Variants in RFC1 observed in about 807,000 individuals in gnomAD.
RFC1 encodes the protein replication factor C subunit 1, also known as A1 140 kDa subunit.
A neutral mutation model predicts 137.4 loss-of-function variants in RFC1; 37 were observed. That is an observed-to-expected ratio of 0.27 (90% CI 0.21 to 0.35). RFC1 has a LOEUF of 0.35. Ranked by LOEUF, RFC1 falls within the 10% of genes least tolerant of loss-of-function variation. The pLI is 1.00. For missense variants in RFC1, 1,205 were observed against 1,358.5 expected (o/e 0.89, Z 1.78); for synonymous variants, 429 against 455.7 (o/e 0.94, Z 0.75).
chr4:39,331,455 T>C (rs2109700217), intron 4 of RFC1, among the ~76,000 whole-genome samples: 1 of 152,100 alleles, frequency 6.6e-6, no homozygotes, highest in Non-Finnish European at 1.5e-5. Flanking sequence ...GAGAGCAGAT[T>C]GTAACAGGGC....
intron 22 of RFC1, among the ~76,000 whole-genome samples, chr4:39,294,541 T>A (rs1319381589): frequency 6.6e-6 from 1 of 151,964 alleles, no homozygotes; most frequent in South Asian, 2.1e-4. Context: ...TGTGGTGGCA[T>A]GCACCTTAGT....
chr4:39,345,311 G>T, intron 3 of RFC1, 90 bp downstream of exon 3: 2 of 1,103,642 alleles, frequency 1.8e-6, no homozygotes, highest in South Asian at 1.4e-5. Flanking sequence ...ATGAGCCACC[G>T]CACCCATCCT....
chr4:39,308,602 A>AACT, intron 13 of RFC1, 34 bp downstream of exon 13: 1 of 1,588,204 alleles, frequency 6.3e-7, no homozygotes, highest in Non-Finnish European at 8.6e-7. Context: ...GTTGATATAC[A>AACT]CACACACAAA....
rs6819338 is a variant in RFC1, at chr4:39,304,705, A to G, written c.2110+109T>C. 1.2e-5 allele frequency: 9 copies of G among 740,720 alleles called. No homozygotes were observed. In the East Asian group the frequency reaches 2.2e-4, roughly 18 times the overall value. The allele number at this position is 740,720 out of a possible 1,614,324, so 45.9% of individuals were successfully genotyped here. On this transcript the variant is annotated intron_variant, in intron 15 of 24. Coordinates refer to ENST00000349703, the MANE Select transcript of RFC1 (RefSeq NM_002913.5). ...TTCTTATTCTCTTGTTAGCCCCAGA[A>G]TTTAGTAGGGTGCTTGGCACACAAC...
chr4:39,315,777 A>G (rs1314501959), intron 10 of RFC1, among the ~76,000 whole-genome samples: 2 of 152,034 alleles, frequency 1.3e-5, no homozygotes, highest in Non-Finnish European at 2.9e-5. Context: ...CCACTTTTCG[A>G]CATTTTCACT....
At chr4:39,321,745 C>T (rs896271257) in intron 7 of RFC1, 4 of 157,218 alleles carry the variant, frequency 2.5e-5, no homozygotes, top group African/African-American at 9.6e-5. Flanking sequence ...TAAACAAAAG[C>T]TCGAAAGAAA....
chr4:39,336,822 T>C (rs539336371), intron 4 of RFC1, among the ~76,000 whole-genome samples: 51 of 152,366 alleles, frequency 3.3e-4, no homozygotes, highest in African/African-American at 1.0e-3. Context: ...TAGACAGTTA[T>C]TCATAAGAAA....
chr4:39,325,624 C>A (rs1457826016), intron 6 of RFC1, among the ~76,000 whole-genome samples: 6 of 152,126 alleles, frequency 3.9e-5, no homozygotes, highest in South Asian at 2.1e-4. Flanking sequence ...CACAAGTGAT[C>A]CTCTCACCTC....
chr4:39,297,080 G>A (rs1411898895), intron 21 of RFC1, among the ~76,000 whole-genome samples: 3 of 142,620 alleles, frequency 2.1e-5, no homozygotes, highest in African/African-American at 7.9e-5. Flanking sequence ...CATGTCCTTC[G>A]CCCACTTTTT....
At chr4:39,318,794 A>G (rs1739374875) in intron 9 of RFC1, among the ~76,000 whole-genome samples, 1 of 152,242 alleles carries the variant, frequency 6.6e-6, no homozygotes, top group Non-Finnish European at 1.5e-5. Flanking sequence ...ATTGTCCACA[A>G]ACAAAAGCAT....
chr4:39,313,011 A>G, intron 10 of RFC1, 80 bp from the exon 11 acceptor site: 1 of 1,209,050 alleles, frequency 8.3e-7, no homozygotes, highest in Non-Finnish European at 1.2e-6. Flanking sequence ...AACTGCAGGA[A>G]GTTGATTTTT....
intron 4 of RFC1, among the ~76,000 whole-genome samples, chr4:39,335,809 A>G (rs1477930115): frequency 2.0e-5 from 3 of 152,202 alleles, no homozygotes; most frequent in Non-Finnish European, 4.4e-5. Context: ...CCCACACAAG[A>G]GGAGAGAACA....
chr4:39,345,306 C>A (rs1388548544), intron 3 of RFC1, 95 bp downstream of exon 3: 1 of 1,042,270 alleles, frequency 9.6e-7, no homozygotes, highest in Non-Finnish European at 1.4e-6. Context: ...CAGGCATGAG[C>A]CACCGCACCC....
chr4:39,302,427 C>A, intron 18 of RFC1, 51 bp from the exon 19 acceptor site: 2 of 1,518,108 alleles, frequency 1.3e-6, no homozygotes. Context: ...TCCTGTTGCT[C>A]CCCATCCCTA....
At chr4:39,312,126 T>C (rs776268309) in intron 11 of RFC1, among the ~76,000 whole-genome samples, 4 of 152,240 alleles carry the variant, frequency 2.6e-5, no homozygotes, top group Non-Finnish European at 5.9e-5. Context: ...TCTTATGACA[T>C]ACTTGCCACT....
intron 10 of RFC1, among the ~76,000 whole-genome samples, chr4:39,313,274 CA>C (rs1057356257): frequency 6.6e-6 from 1 of 152,160 alleles, no homozygotes; most frequent in Non-Finnish European, 1.5e-5. Flanking sequence ...AATAAACAAC[CA>C]AATGCAATCC....
intron 22 of RFC1, among the ~76,000 whole-genome samples, chr4:39,292,879 A>G (rs1292907217): frequency 6.6e-6 from 1 of 151,972 alleles, no homozygotes; most frequent in African/African-American, 2.4e-5. Flanking sequence ...AACTCCTAAC[A>G]GGTGATCCAC....
chr4:39,300,359 A>G lies in RFC1; in HGVS notation c.2591T>C (p.Met864Thr). The change falls in exon 20 of 25, where the codon ATG becomes ACG. Residue 864 changes from methionine (M) to threonine (T), a missense_variant. Physicochemically the swap from Met to Thr is moderately conservative, Grantham distance 81 (BLOSUM62 -1). Coordinates refer to ENST00000349703, the MANE Select transcript of RFC1 (RefSeq NM_002913.5). ...GAGATCTGACTTGTCCACAAGTGAC[A>G]TGTGAGCAGTCTCCTCTCCAGCTGC... ...VFAAGEETAH[M>T]SLVDKSDLFF... 1 of 1,614,150 alleles carries G rather than the reference A, an allele frequency of 6.2e-7. No homozygotes were observed.
chr4:39,294,672 T>TAA (rs1193684558), intron 22 of RFC1, among the ~76,000 whole-genome samples: 10 of 80,444 alleles, frequency 1.2e-4, no homozygotes, highest in South Asian at 7.2e-4. Flanking sequence ...TCTGTCTCAA[T>TAA]AAAAAAAAAA....
Sources: allele counts gnomAD v4.1 joint callset (sites outside exome capture counted in the v4.1 genomes callset), GRCh38; gene constraint gnomAD v4.1.1; transcripts MANE v1.5; gene names NCBI Gene and HGNC (gene_info 2026-07-23, HGNC 2026-07-21).